Variants in SP3 observed in about 807,000 individuals in gnomAD.
The protein encoded by SP3 is transcription factor Sp3.
SP3 carries 10 observed loss-of-function variants against 70.3 expected under a neutral mutation model. The observed-to-expected ratio is 0.14, with a 90% confidence interval of 0.09 to 0.24. The LOEUF (loss-of-function observed/expected upper bound fraction) is 0.24, where lower values mean the gene tolerates loss of function less well. Ranked by LOEUF, SP3 falls within the 10% of genes least tolerant of loss-of-function variation. SP3 has a pLI of 1.00. For missense variants in SP3, 825 were observed against 914.6 expected, an observed-to-expected ratio of 0.90 and a Z score of 1.26; for synonymous variants, 402 against 333.5, an observed-to-expected ratio of 1.21 and a Z score of -2.24.
chr2:173,923,147 T>C (rs183613681), intron 4 of SP3, among the ~76,000 whole-genome samples: 1 of 149,658 alleles, frequency 6.7e-6, no homozygotes, highest in Non-Finnish European at 1.5e-5. Flanking sequence ...AACAGCACTG[T>C]TTTTTTATGT....
chr2:173,938,902 C>T (rs1361883228), intron 4 of SP3, among the ~76,000 whole-genome samples: 1 of 152,200 alleles, frequency 6.6e-6, no homozygotes, highest in East Asian at 1.9e-4. Context: ...GAAGAACTGT[C>T]CTCCAGGGGA....
intron 4 of SP3, among the ~76,000 whole-genome samples, chr2:173,920,337 A>G (rs985438175): frequency 4.6e-5 from 7 of 152,202 alleles, no homozygotes; most frequent in African/African-American, 1.7e-4. Context: ...AATACTATGT[A>G]TGATGTAATA....
Position 173,955,970 on chromosome 2 carries a change from C to A in SP3, c.542G>T (p.Gly181Val), listed in dbSNP as rs779263103. 2.5e-6 allele frequency: 4 copies of A among 1,614,194 alleles called. No homozygotes were observed. In the South Asian group the frequency reaches 3.3e-5, roughly 13 times the overall value. ...TGTGAAACCAATTTGAACCTGCTGA[C>A]CATCTGCTGACTGGATCTGTGGTAT... ...QVIPQIQSAD[G>V]QQVQIGFTGS... The change falls in exon 4 of 7, where the codon GGT becomes GTT. Residue 181 changes from glycine (G) to valine (V), a missense_variant. By Grantham distance (109) the Gly-to-Val change is moderately radical. Around this residue, in one of 4 missense-constraint regions of SP3, gnomAD observed 678 missense variants for 651.6 expected, o/e 1.04. Transcript: ENST00000310015.
intron 3 of SP3, chr2:173,963,446 T>A (rs1559112870): frequency 6.6e-6 from 1 of 152,546 alleles, no homozygotes; most frequent in Non-Finnish European, 1.5e-5. Context: ...AATTTTGTAG[T>A]GTTAAGCGAA....
chr2:173,923,050 T>C (rs1689803078), intron 4 of SP3, among the ~76,000 whole-genome samples: 1 of 152,194 alleles, frequency 6.6e-6, no homozygotes, highest in South Asian at 2.1e-4. Context: ...TAAATTTGAT[T>C]AATATTTGAG....
chr2:173,913,239 T>C lies in SP3; in HGVS notation c.1860A>G (p.Gln620=). ...GRGTNLGKKK[Q]HICHIPGCGK... is the part of the protein sequence containing the mutation. ...CACATCCTGGTATATGACAAATGTG[T>C]TGCTTCTTTTTCCCAAGATTGGTAC... is the stretch of plus-strand genomic sequence containing the variant. The change falls in exon 6 of 7, where the codon CAA becomes CAG. Residue 620 remains glutamine (Q), a synonymous_variant. Transcript: ENST00000310015. 1 of 1,599,104 alleles carries C rather than the reference T, an allele frequency of 6.3e-7. No individual in the cohort carries two copies. Among genetic ancestry groups the C allele is most frequent in the South Asian group, 1.1e-5 (1 of 87,796 alleles).
At chr2:173,920,834 AC>A (rs1689734502) in intron 4 of SP3, among the ~76,000 whole-genome samples, 1 of 151,812 alleles carries the variant, frequency 6.6e-6, no homozygotes, top group Non-Finnish European at 1.5e-5. Context: ...CAAGTGATCC[AC>A]CCACCTCAGC....
In SP3 at chr2:173,908,831, T is replaced by C. The variant is rs1309342800; in HGVS notation, c.*1110A>G. 1 of 151,854 alleles carries C rather than the reference T, an allele frequency of 6.6e-6. No homozygotes were observed. Among genetic ancestry groups the C allele is most frequent in the Non-Finnish European group, 1.5e-5 (1 of 67,800 alleles). The allele number at this position is 151,854 out of a possible 1,614,324, so 9.4% of individuals were successfully genotyped here. On this transcript the variant is annotated 3_prime_UTR_variant, in exon 7 of 7. Coordinates refer to ENST00000310015, the MANE Select transcript of SP3 (RefSeq NM_003111.5). The stretch of plus-strand genomic sequence containing the variant: ...AAAACATACGCTTCTCAATTAAATG[T>C]ACTGGATACATATAAATTTTAAGGG...
rs147562953 is a variant in SP3 at position 173,925,268 on chromosome 2, T to G, written c.1640-6483A>C. Among the ~76,000 whole-genome samples, 832 of 152,314 alleles carry G rather than the reference T, an allele frequency of 5.5e-3. 12 individuals carry two copies. Among genetic ancestry groups the G allele is most frequent in the Non-Finnish European group, 5.4e-3 (370 of 68,032 alleles). On this transcript the variant is annotated intron_variant, in intron 4 of 6. Coordinates refer to ENST00000310015, the MANE Select transcript of SP3 (RefSeq NM_003111.5). ...TGTGTATGTAGCATGTGAAATCCTG[T>G]CACACGCTACAACACGGATGAACCT...
intron 4 of SP3, among the ~76,000 whole-genome samples, chr2:173,944,983 C>G (rs1453913710): frequency 6.6e-6 from 1 of 152,100 alleles, no homozygotes; most frequent in Non-Finnish European, 1.5e-5. Context: ...GCCATTTGTT[C>G]AAGATGCATT....
chr2:173,905,819 T>A lies in SP3; in HGVS notation c.*4122A>T, dbSNP rs959124499. ...TTCAAGACCAGCCTAGGCAATATAG[T>A]GAGACCCCATCTCTACAAAACAAAT... On this transcript the variant is annotated 3_prime_UTR_variant, in exon 7 of 7. Coordinates refer to ENST00000310015, the MANE Select transcript of SP3 (RefSeq NM_003111.5). 6.6e-6 allele frequency among the ~76,000 whole-genome samples: 1 copy of A among 152,112 alleles called. No individual in the cohort carries two copies. Among genetic ancestry groups the A allele is most frequent in the African/African-American group, 2.4e-5 (1 of 41,402 alleles).
intron 3 of SP3, among the ~76,000 whole-genome samples, chr2:173,961,973 T>C (rs1487171875): frequency 1.3e-5 from 2 of 148,600 alleles, no homozygotes; most frequent in East Asian, 1.9e-4. Context: ...GCAAAACTAT[T>C]TTCATTTTAC....
At chr2:173,945,014 G>C (rs1422098830) in intron 4 of SP3, among the ~76,000 whole-genome samples, 2 of 152,150 alleles carry the variant, frequency 1.3e-5, no homozygotes, top group African/African-American at 4.8e-5. Flanking sequence ...AATTAGTTGA[G>C]CTCTCTAAAA....
rs1478689270 is a variant in SP3, at chr2:173,910,064, T to C, written c.2223A>G (p.Gln741=). Residue 741 remains glutamine, a synonymous_variant, in exon 7 of 7, where the codon CAA becomes CAG. Coordinates refer to ENST00000310015, the MANE Select transcript of SP3 (RefSeq NM_003111.5). ...GGTTLILANI[Q]QGSVSGIGTV... ...TTCCTATCCCTGAAACAGAACCTTG[T>C]TGAATATTTGCAAGGATAAGCGTTG... 6.8e-6 allele frequency: 11 copies of C among 1,612,784 alleles called. No homozygotes were observed. Among genetic ancestry groups the C allele is most frequent in the Non-Finnish European group, 8.5e-6 (10 of 1,179,562 alleles).
chr2:173,910,314 T>A, intron 6 of SP3, 57 bp from the exon 7 acceptor site: 1 of 1,452,494 alleles, frequency 6.9e-7, no homozygotes, highest in Middle Eastern at 1.8e-4. Flanking sequence ...AATAGCTCAA[T>A]CATCTCCCCC....
intron 4 of SP3, among the ~76,000 whole-genome samples, chr2:173,927,210 C>G (rs771532712): frequency 9.9e-5 from 15 of 152,094 alleles, no homozygotes; most frequent in Non-Finnish European, 1.5e-4. Context: ...GTCCTTCCTC[C>G]CACATTGGGG....
intron 3 of SP3, among the ~76,000 whole-genome samples, chr2:173,960,786 C>T (rs1435253166): frequency 6.6e-5 from 10 of 151,334 alleles, no homozygotes; most frequent in South Asian, 2.1e-4. Flanking sequence ...CTGGCTAACA[C>T]GGTGAAACCC....
rs1279322377 is a variant in SP3, at chr2:173,904,780, A to G, written c.*5161T>C. Among the ~76,000 whole-genome samples, 2 of 152,230 alleles carry G rather than the reference A, an allele frequency of 1.3e-5. No individual in the cohort carries two copies. Among genetic ancestry groups the G allele is most frequent in the Non-Finnish European group, 2.9e-5 (2 of 68,036 alleles). On this transcript the variant is annotated 3_prime_UTR_variant, in exon 7 of 7. Transcript: ENST00000310015. ...GGGATGTAAGTCGGACAGATATCCT[A>G]AAAGGTCACTAAGCCAATACTTCCT...
Position 173,901,267 on chromosome 2 carries a change from GAC to G in SP3, c.*8672_*8673del, listed in dbSNP as rs1689185305. Among the ~76,000 whole-genome samples, 1 of 151,790 alleles carries G rather than the reference GAC, an allele frequency of 6.6e-6. No homozygotes were observed. Among genetic ancestry groups the G allele is most frequent in the Non-Finnish European group, 1.5e-5 (1 of 67,952 alleles). On this transcript the variant is annotated 3_prime_UTR_variant, in exon 7 of 7. Coordinates refer to ENST00000310015, the MANE Select transcript of SP3 (RefSeq NM_003111.5). The stretch of plus-strand genomic sequence containing the variant: ...TGACAGTAGGTAAAGAATTTCTTAA[GAC>G]ACAAAAGCCACAATTCAGATACAAT...
Sources: allele counts gnomAD v4.1 joint callset (sites outside exome capture counted in the v4.1 genomes callset), GRCh38; gene constraint gnomAD v4.1.1; regional missense constraint gnomAD v4.1.1; transcripts MANE v1.5; gene names NCBI Gene and HGNC (gene_info 2026-07-23, HGNC 2026-07-21).